FMNL3: variants seen among roughly 807,000 people sequenced by gnomAD.
The protein encoded by FMNL3 is formin-like protein 3.
Under a neutral mutation model 119.6 loss-of-function variants are expected in FMNL3, and 57 were observed. The ratio of observed to expected loss-of-function variants is 0.48; its 90% CI spans 0.39 to 0.59. FMNL3 has a LOEUF of 0.59. Ranked by LOEUF, FMNL3 falls within the 20% of genes least tolerant of loss-of-function variation. The probability of loss-of-function intolerance (pLI) is 0.00; values close to 1 mark genes in which losing one functional copy is unlikely to be tolerated. For synonymous variants in FMNL3, 491 were observed against 507.3 expected (o/e 0.97, Z 0.43); for missense variants, 1,053 against 1,323.5 (o/e 0.80, Z 3.17).
At chr12:49,698,814 A>C (rs1014153864) in intron 1 of FMNL3, among the ~76,000 whole-genome samples, 1 of 152,226 alleles carries the variant, frequency 6.6e-6, no homozygotes, top group Non-Finnish European at 1.5e-5. Flanking sequence ...GAGAGGCAAA[A>C]GAGAGAGACT....
intron 5 of FMNL3, among the ~76,000 whole-genome samples, chr12:49,659,234 A>G (rs912168207): frequency 1.3e-5 from 2 of 152,148 alleles, no homozygotes; most frequent in African/African-American, 2.4e-5. Flanking sequence ...GGTTCTGGCT[A>G]CTTGAGGTTT....
In FMNL3 at chr12:49,647,763, G is replaced by A. The variant is rs748703250; in HGVS notation, c.2718C>T (p.Pro906=). 1.6e-5 allele frequency: 26 copies of A among 1,613,468 alleles called. No homozygotes were observed. Among genetic ancestry groups the A allele is most frequent in the Middle Eastern group, 1.6e-4 (1 of 6,082 alleles). ...NAVVRYFGES[P]KTTPPSVFFP... Reference sequence around the variant, plus strand: ...AGAATACAGAAGGAGGTGTAGTCTTGGGACTCTCGCCAAAGTAGCGCACAA... The same window carrying A: ...AGAATACAGAAGGAGGTGTAGTCTTAGGACTCTCGCCAAAGTAGCGCACAA... Residue 906 remains proline, a synonymous_variant, in exon 23 of 26, where the codon CCC becomes CCT. Transcript: ENST00000335154. The surrounding 1 kb of genome is among the most constrained non-coding windows in gnomAD (Gnocchi z 4.9).
rs1943232562 is a variant in FMNL3 at position 49,647,245 on chromosome 12, C to A, written c.2871+31G>T. The A allele has an allele frequency of 6.2e-7, 1 of 1,612,418 alleles. No homozygotes were observed. Among genetic ancestry groups the A allele is most frequent in the African/African-American group, 1.3e-5 (1 of 74,854 alleles). ...AGCCCCCACTCTTTTGCCTTGTCGT[C>A]CTCCAGGCCCCAGCTCTTGGTCCCA... is the stretch of plus-strand genomic sequence containing the variant. On this transcript the variant is annotated intron_variant, in intron 24 of 25. Transcript: ENST00000335154. This position sits in a 1 kb window ranked among gnomAD's most constrained non-coding sequence, Gnocchi z 4.9.
chr12:49,659,773 C>T lies in FMNL3; in HGVS notation c.453-1179G>A, dbSNP rs976137706. On this transcript the variant is annotated intron_variant, in intron 5 of 25. Coordinates refer to ENST00000335154, the MANE Select transcript of FMNL3 (RefSeq NM_175736.5). ...GAAGATGGCCAAGATCACAAACTCA[C>T]AGGGACTCCTCTCTTATCATCCTCA... The T allele has an allele frequency of 1.2e-5, 12 of 985,322 alleles. No homozygotes were observed. In the African/African-American group the frequency reaches 1.7e-4, roughly 14 times the overall value. The allele number at this position is 985,322 out of a possible 1,614,324, so 61.0% of individuals were successfully genotyped here. A position where few individuals can be genotyped will look rare whatever the true frequency, so the allele number is the denominator to read the frequency against.
chr12:49,702,146 A>C (rs1944926668), intron 1 of FMNL3, among the ~76,000 whole-genome samples: 1 of 152,058 alleles, frequency 6.6e-6, no homozygotes, highest in African/African-American at 2.4e-5. Flanking sequence ...TCTACAAAAA[A>C]TGAAAAAATT....
intron 1 of FMNL3, among the ~76,000 whole-genome samples, chr12:49,676,420 G>A (rs1358401607): frequency 6.6e-6 from 1 of 151,676 alleles, no homozygotes; most frequent in Non-Finnish European, 1.5e-5. Flanking sequence ...ACCATGAAGT[G>A]ACCTTGGAAA....
chr12:49,666,280 G>C, intron 2 of FMNL3, 73 bp from the exon 3 acceptor site: 1 of 1,347,302 alleles, frequency 7.4e-7, no homozygotes, highest in Non-Finnish European at 1.0e-6. Flanking sequence ...AGGAAGAAGA[G>C]CATTCATAGT....
At position 49,642,572 on chromosome 12, in the gene FMNL3, C is replaced by T. The variant is rs771402993; in HGVS notation, c.*3243G>A. 9.3e-6 allele frequency: 15 copies of T among 1,613,970 alleles called. No homozygotes were observed. Among genetic ancestry groups the T allele is most frequent in the Middle Eastern group, 1.6e-4 (1 of 6,084 alleles). Reference sequence around the variant, plus strand: ...CTAGTCTGATCAGCAGTGCTCTCCTCGTTCAAGGTCCGTGAGCGTTTTGTG... The same window carrying T: ...CTAGTCTGATCAGCAGTGCTCTCCTTGTTCAAGGTCCGTGAGCGTTTTGTG... On this transcript the variant is annotated 3_prime_UTR_variant, in exon 26 of 26. Coordinates refer to ENST00000335154, the MANE Select transcript of FMNL3 (RefSeq NM_175736.5). The surrounding 1 kb of genome is among the most constrained non-coding windows in gnomAD (Gnocchi z 5.8).
intron 25 of FMNL3, 125 bp from the exon 26 acceptor site, chr12:49,646,028 G>T: frequency 1.3e-6 from 1 of 759,722 alleles, no homozygotes; most frequent in Non-Finnish European, 2.1e-6. Flanking sequence ...AGGAGGCTTA[G>T]ATAAGGCTTG....
Position 49,665,889 on chromosome 12 carries a change from T to C in FMNL3, c.311A>G (p.Gln104Arg), listed in dbSNP as rs199499270. Residue 104 changes from glutamine to arginine, a missense_variant, in exon 4 of 26, where the codon CAG (glutamine) becomes CGG (arginine). Gln to Arg is a conservative substitution (Grantham distance 43). Around this residue, in one of 4 missense-constraint regions of FMNL3, gnomAD observed 264 missense variants for 265.5 expected, o/e 0.99. Coordinates refer to ENST00000335154, the MANE Select transcript of FMNL3 (RefSeq NM_175736.5). The part of the protein sequence containing the change: ...VTRKKFRRRV[Q>R]ESTKVLRELE... Reference sequence around the variant, plus strand: ...CTCCCTTAGTACTTTGGTTGACTCCTGCACCCTCCTCCTGAACTTCTGTAA... The same window carrying C: ...CTCCCTTAGTACTTTGGTTGACTCCCGCACCCTCCTCCTGAACTTCTGTAA... 2 of 1,614,210 alleles carry C rather than the reference T, an allele frequency of 1.2e-6. No individual in the cohort carries two copies. The highest frequency in any genetic ancestry group is 1.3e-5 in the African/African-American group (1 of 75,054).
chr12:49,637,400 C>G lies in FMNL3; in HGVS notation c.*8415G>C. ...CCTGCCTCTTCCTCTGCCATTCCCT[C>G]TCTTCCCCCTCAGTCTGTGGCTCTG... On this transcript the variant is annotated 3_prime_UTR_variant, in exon 26 of 26. Coordinates refer to ENST00000335154, the MANE Select transcript of FMNL3 (RefSeq NM_175736.5). 9.4e-7 allele frequency: 1 copy of G among 1,066,378 alleles called. No homozygotes were observed. The highest frequency in any genetic ancestry group is 1.4e-6 in the Non-Finnish European group (1 of 700,910). 66.1% of individuals were successfully genotyped at this position (1,066,378 alleles called of 1,614,324 possible). A position where few individuals can be genotyped will look rare whatever the true frequency, so the allele number is the denominator to read the frequency against.
At chr12:49,651,361 C>T (rs550986762) in intron 15 of FMNL3, 21 bp downstream of exon 15, 8 of 1,584,244 alleles carry the variant, frequency 5.0e-6, no homozygotes, top group Non-Finnish European at 6.9e-6. Flanking sequence ...CAGCCCTGCC[C>T]AGAGCCCTGG....
At chr12:49,679,976 T>A (rs1944294802) in intron 1 of FMNL3, among the ~76,000 whole-genome samples, 1 of 152,270 alleles carries the variant, frequency 6.6e-6, no homozygotes, top group African/African-American at 2.4e-5. Flanking sequence ...CAAGATTTCA[T>A]GGAAAAGTCA....
chr12:49,687,620 T>C (rs1476092499), intron 1 of FMNL3, among the ~76,000 whole-genome samples: 1 of 152,210 alleles, frequency 6.6e-6, no homozygotes, highest in Non-Finnish European at 1.5e-5. Context: ...TGTTTATTGT[T>C]CTCCCCAACA....
chr12:49,645,623 T>C lies in FMNL3; in HGVS notation c.*192A>G. The C allele has an allele frequency of 1.8e-6, 1 of 555,726 alleles. No individual in the cohort carries two copies. Among genetic ancestry groups the C allele is most frequent in the Non-Finnish European group, 3.1e-6 (1 of 318,332 alleles). The allele number at this position is 555,726 out of a possible 1,614,324, so 34.4% of individuals were successfully genotyped here. A position where few individuals can be genotyped will look rare whatever the true frequency, so the allele number is the denominator to read the frequency against. ...CAAAGACCTTGGGGGCAAAGTGCAG[T>C]ACTGGAAGCACCAGGGACCTACAGA... On this transcript the variant is annotated 3_prime_UTR_variant, in exon 26 of 26. Coordinates refer to ENST00000335154, the MANE Select transcript of FMNL3 (RefSeq NM_175736.5).
chr12:49,640,442 G>T lies in FMNL3; in HGVS notation c.*5373C>A, dbSNP rs1942467871. On this transcript the variant is annotated 3_prime_UTR_variant, in exon 26 of 26. Transcript: ENST00000335154. ...GAGGGTGTGACCTGGAGAGGGGAGT[G>T]TTGAAGAAGTAAGTGGTAGAGGCAC... 1 of 152,152 alleles carries T rather than the reference G, an allele frequency of 6.6e-6. No homozygotes were observed. Among genetic ancestry groups the T allele is most frequent in the Non-Finnish European group, 1.5e-5 (1 of 68,086 alleles). 9.4% of individuals were successfully genotyped at this position (152,152 alleles called of 1,614,324 possible).
Position 49,643,277 on chromosome 12 carries a change from C to T in FMNL3, c.*2538G>A, listed in dbSNP as rs200775632. 55 of 1,613,828 alleles carry T rather than the reference C, an allele frequency of 3.4e-5. No individual in the cohort carries two copies. Among genetic ancestry groups the T allele is most frequent in the Admixed American group, 5.0e-5 (3 of 59,930 alleles). ...CCCACCATCTCTCCGGCCCCCCAAG[C>T]GGAGGAGGCGGAACCCCTCAGAGTC... On this transcript the variant is annotated 3_prime_UTR_variant, in exon 26 of 26. Transcript: ENST00000335154.
Position 49,641,877 on chromosome 12 carries a change from G to GCCCCTGCTTCATGCACTGCTGTA in FMNL3, c.*3915_*3937dup, listed in dbSNP as rs767555159. Reference sequence around the variant, plus strand: ...CCAGCTTTGGCCTCAGGCACGTGGTGCCCCTGCTTCATGCACTGCTGTACC... The same window carrying GCCCCTGCTTCATGCACTGCTGTA: ...CCAGCTTTGGCCTCAGGCACGTGGTGCCCCTGCTTCATGCACTGCTGTACCCCTGCTTCATGCACTGCTGTACC... On this transcript the variant is annotated 3_prime_UTR_variant, in exon 26 of 26. Transcript: ENST00000335154. The GCCCCTGCTTCATGCACTGCTGTA allele has an allele frequency of 1.3e-6, 2 of 1,595,950 alleles. No homozygotes were observed. The highest frequency in any genetic ancestry group is 2.2e-5 in the South Asian group (2 of 90,668).
rs1156744279 is a variant in FMNL3 at position 49,707,129 on chromosome 12, G to A, written c.52C>T (p.Pro18Ser). The change falls in exon 1 of 26, where the codon CCG becomes TCG. Residue 18 changes from proline (P) to serine (S), a missense_variant. Pro to Ser is a moderately conservative substitution (Grantham distance 74). Transcript: ENST00000335154. ...ATCTTGCCGGGCGGCAGCAACAACGGGACAGAGGGGGGCTCTCCCGGGACC... is the reference window on the plus strand; with the variant it reads ...ATCTTGCCGGGCGGCAGCAACAACGAGACAGAGGGGGGCTCTCCCGGGACC... ...EGVPGEPPSV[P>S]LLLPPGKMPM... 2 of 1,602,676 alleles carry A rather than the reference G, an allele frequency of 1.2e-6. No individual in the cohort carries two copies. Among genetic ancestry groups the A allele is most frequent in the African/African-American group, 1.3e-5 (1 of 74,144 alleles).
Sources: allele counts gnomAD v4.1 joint callset (sites outside exome capture counted in the v4.1 genomes callset), GRCh38; gene constraint gnomAD v4.1.1; regional missense constraint gnomAD v4.1.1; non-coding constraint Gnocchi (gnomAD v3.1); transcripts MANE v1.5; gene names NCBI Gene and HGNC (gene_info 2026-07-23, HGNC 2026-07-21).